PACSIN2: variants seen among roughly 807,000 people sequenced by gnomAD.
PACSIN2 encodes protein kinase C and casein kinase substrate in neurons 2.
A neutral mutation model predicts 63.8 loss-of-function variants in PACSIN2; 25 were observed. The ratio of observed to expected loss-of-function variants is 0.39; its 90% CI spans 0.29 to 0.55. PACSIN2 has a LOEUF of 0.55. Among genes scored for constraint, PACSIN2 ranks in the 20% least tolerant of loss-of-function variants. The pLI, the probability that PACSIN2 is intolerant of heterozygous loss-of-function variation, is 0.62. For missense variants in PACSIN2, 518 were observed against 646.9 expected (o/e 0.80, Z 2.16); for synonymous variants, 255 against 256.2 (o/e 1.00, Z 0.05).
At chr22:42,917,061 C>A (rs1365635745) in intron 1 of PACSIN2, among the ~76,000 whole-genome samples, 1 of 152,172 alleles carries the variant, frequency 6.6e-6, no homozygotes, top group East Asian at 1.9e-4. Context: ...TATGGCGACT[C>A]CTCATGTGCC....
Position 42,879,165 on chromosome 22 carries a change from C to T in PACSIN2, c.911G>A (p.Trp304Ter). The T allele has an allele frequency of 6.2e-7, 1 of 1,612,534 alleles. No homozygotes were observed. Among genetic ancestry groups the T allele is most frequent in the East Asian group, 2.2e-5 (1 of 44,856 alleles). Reference protein sequence around the residue: ...MAMNWPQFEEWSADLNRTLSR... With the variant: ...MAMNWPQFEE ...GAGGGTTCGATTCAGGTCTGCGGAC[C>T]ACTCCTAGGCAACAGGTGCCGAGGG... Residue 304 changes from tryptophan (W) to a stop codon, truncating the protein, a stop_gained, in exon 8 of 11, where the codon TGG (tryptophan) becomes TAG (stop). Coordinates refer to ENST00000263246, the MANE Select transcript of PACSIN2 (RefSeq NM_001184970.3). LOFTEE classifies it high-confidence loss of function.
chr22:42,990,473 T>C (rs1192042441), intron 1 of PACSIN2, among the ~76,000 whole-genome samples: 1 of 152,136 alleles, frequency 6.6e-6, no homozygotes, highest in Non-Finnish European at 1.5e-5. Context: ...AGGTCGGTCA[T>C]ACCATACATG....
chr22:42,899,850 G>C (rs924684490), intron 2 of PACSIN2, among the ~76,000 whole-genome samples: 1 of 152,168 alleles, frequency 6.6e-6, no homozygotes, highest in Non-Finnish European at 1.5e-5. Flanking sequence ...AATGATGTGG[G>C]GCATGATGCC....
chr22:42,952,731 C>T (rs1339274799), intron 1 of PACSIN2, among the ~76,000 whole-genome samples: 1 of 151,568 alleles, frequency 6.6e-6, no homozygotes, highest in Non-Finnish European at 1.5e-5. Flanking sequence ...GGAGCGATCT[C>T]GGCTCACTAC....
At position 42,995,055 on chromosome 22, in the gene PACSIN2, G is replaced by A. The variant is rs550566616; in HGVS notation, c.-78+19966C>T. ...GGACCCTGCTTCCAACAATCACATA[G>A]TCAAAGGGGACAATGTCCCCCCTCC... On this transcript the variant is annotated intron_variant, in intron 1 of 10. Coordinates refer to ENST00000263246, the MANE Select transcript of PACSIN2 (RefSeq NM_001184970.3). Among the ~76,000 whole-genome samples the A allele has an allele frequency of 5.3e-5, 8 of 152,316 alleles. No individual in the cohort carries two copies. In the South Asian group the frequency reaches 1.7e-3, roughly 32 times the overall value.
chr22:42,970,585 TAA>T (rs898988713), intron 1 of PACSIN2, among the ~76,000 whole-genome samples: 9 of 152,182 alleles, frequency 5.9e-5, no homozygotes, highest in Non-Finnish European at 1.0e-4. Context: ...TCTTGTAAAA[TAA>T]AAAGTTTATT....
intron 1 of PACSIN2, among the ~76,000 whole-genome samples, chr22:42,937,174 G>A (rs754174869): frequency 1.6e-4 from 25 of 152,264 alleles, no homozygotes; most frequent in Non-Finnish European, 3.2e-4. Context: ...AATAAGCGAG[G>A]ATGAGATAGG....
chr22:42,933,204 A>G (rs550182277), intron 1 of PACSIN2, among the ~76,000 whole-genome samples: 1 of 152,362 alleles, frequency 6.6e-6, no homozygotes, highest in South Asian at 2.1e-4. Flanking sequence ...AATTGGAAAC[A>G]AACTATCTCT....
intron 1 of PACSIN2, among the ~76,000 whole-genome samples, chr22:42,932,967 G>A (rs889143579): frequency 4.6e-5 from 7 of 152,220 alleles, no homozygotes; most frequent in Non-Finnish European, 8.8e-5. Flanking sequence ...TGTGTTAGGA[G>A]ACGAAATGTC....
At chr22:42,942,893 G>A (rs1164581433) in intron 1 of PACSIN2, among the ~76,000 whole-genome samples, 1 of 152,132 alleles carries the variant, frequency 6.6e-6, no homozygotes, top group Non-Finnish European at 1.5e-5. Context: ...GACTATTCTT[G>A]GTCCCTTGCA....
chr22:42,891,037 G>A lies in PACSIN2; in HGVS notation c.363C>T (p.His121=). Residue 121 remains histidine, a synonymous_variant, in exon 4 of 11, where the codon CAC becomes CAT. Transcript: ENST00000263246. ...KIKNWQKEAF[H]KQMMGGFKET... ...CCTTGAAGCCGCCCATCATCTGCTT[G>A]TGAAAGGCTTCCTTCTGCCAGTTCT... The A allele has an allele frequency of 6.2e-7, 1 of 1,614,154 alleles. No individual in the cohort carries two copies. Among genetic ancestry groups the A allele is most frequent in the Non-Finnish European group, 8.5e-7 (1 of 1,180,030 alleles).
chr22:42,943,661 G>A (rs1354015508), intron 1 of PACSIN2, among the ~76,000 whole-genome samples: 1 of 152,046 alleles, frequency 6.6e-6, no homozygotes, highest in Non-Finnish European at 1.5e-5. Context: ...GCATCACCAA[G>A]GACCTAATTA....
intron 1 of PACSIN2, among the ~76,000 whole-genome samples, chr22:42,934,024 C>A (rs936427133): frequency 6.6e-6 from 1 of 152,228 alleles, no homozygotes; most frequent in South Asian, 2.1e-4. Flanking sequence ...CAAATACTTA[C>A]AAGAACAGCC....
chr22:42,896,572 T>A (rs999449541), intron 2 of PACSIN2, among the ~76,000 whole-genome samples: 3 of 152,252 alleles, frequency 2.0e-5, no homozygotes, highest in African/African-American at 7.2e-5. Context: ...GGGGGAATTA[T>A]GAATAAAGAA....
At chr22:43,000,762 A>C (rs1387637396) in intron 1 of PACSIN2, among the ~76,000 whole-genome samples, 1 of 152,262 alleles carries the variant, frequency 6.6e-6, no homozygotes, top group East Asian at 1.9e-4. Context: ...GAAGCATTAA[A>C]GAAAATAACA....
Position 42,870,120 on chromosome 22 carries a change from C to T in PACSIN2, c.*1237G>A, listed in dbSNP as rs1408815119. The T allele has an allele frequency of 6.6e-6, 1 of 152,192 alleles. No homozygotes were observed. Among genetic ancestry groups the T allele is most frequent in the Non-Finnish European group, 1.5e-5 (1 of 68,030 alleles). The allele number at this position is 152,192 out of a possible 1,614,324, so 9.4% of individuals were successfully genotyped here. On this transcript the variant is annotated 3_prime_UTR_variant, in exon 11 of 11. Coordinates refer to ENST00000263246, the MANE Select transcript of PACSIN2 (RefSeq NM_001184970.3). ...GCGACTCCGGGCAGCCCGAGACACT[C>T]GTGCTGCGGGTAAGACCCAGCTTCT...
chr22:42,993,751 T>A (rs1018722003), intron 1 of PACSIN2: 6 of 152,228 alleles, frequency 3.9e-5, no homozygotes, highest in African/African-American at 1.4e-4. Flanking sequence ...CTCTCCGGGT[T>A]CATCTCCACA....
At chr22:42,911,693 T>C (rs979453140) in intron 2 of PACSIN2, among the ~76,000 whole-genome samples, 6 of 152,166 alleles carry the variant, frequency 3.9e-5, no homozygotes, top group African/African-American at 1.4e-4. Flanking sequence ...GCTGAGCAAT[T>C]AGTGTCTGTC....
intron 5 of PACSIN2, among the ~76,000 whole-genome samples, chr22:42,886,348 C>A (rs1484198896): frequency 6.6e-6 from 1 of 152,178 alleles, no homozygotes; most frequent in East Asian, 1.9e-4. Flanking sequence ...ATGGATGCTA[C>A]AAGATGTAGT....
Sources: allele counts gnomAD v4.1 joint callset (sites outside exome capture counted in the v4.1 genomes callset), GRCh38; gene constraint gnomAD v4.1.1; transcripts MANE v1.5; gene names NCBI Gene and HGNC (gene_info 2026-07-23, HGNC 2026-07-21).